The following RANBP2 variants were observed in gnomAD, a reference collection of about 807,000 sequenced individuals.
RANBP2 encodes the protein E3 SUMO-protein ligase RanBP2.
A neutral mutation model predicts 303.6 loss-of-function variants in RANBP2; 57 were observed. The observed-to-expected ratio is 0.19, with a 90% CI of 0.15 to 0.23. RANBP2 has a LOEUF of 0.23. Ranked by LOEUF, RANBP2 falls within the 10% of genes least tolerant of loss-of-function variation. The probability of loss-of-function intolerance (pLI) is 1.00; values close to 1 mark genes in which losing one functional copy is unlikely to be tolerated. For missense variants in RANBP2, 3,138 were observed against 3,780.8 expected, an observed-to-expected ratio of 0.83 and a Z score of 4.46; for synonymous variants, 1,167 against 1,301.5, an observed-to-expected ratio of 0.90 and a Z score of 2.23.
the RANBP2 span, among the ~76,000 whole-genome samples, chr2:109,489,659 G>A: frequency 6.6e-6 from 1 of 151,424 alleles, no homozygotes; most frequent in Non-Finnish European, 1.5e-5. Context: ...CCTGCCCTGG[G>A]GGCCTCGGGG....
the RANBP2 span, among the ~76,000 whole-genome samples, chr2:109,708,428 T>C: frequency 1.3e-5 from 2 of 150,814 alleles, no homozygotes; most frequent in South Asian, 4.2e-4. Flanking sequence ...AAGGCAGAGG[T>C]GGGCGAATCT....
chr2:109,493,252 A>G, the RANBP2 span, among the ~76,000 whole-genome samples: 6 of 151,520 alleles, frequency 4.0e-5, no homozygotes, highest in Non-Finnish European at 7.4e-5. Flanking sequence ...CGCACCACAC[A>G]CACTGCAAAC....
At chr2:108,940,355 C>T in the RANBP2 span, 1,167 of 152,458 alleles carry the variant, frequency 7.7e-3, 15 homozygotes, top group African/African-American at 0.026. Context: ...GGAGGGAGGA[C>T]GTATGGGGGC....
chr2:109,437,265 A>G, the RANBP2 span: 2 of 1,414,672 alleles, frequency 1.4e-6, no homozygotes, highest in South Asian at 3.0e-5. Flanking sequence ...TGGCAGCTTC[A>G]TGGCAGCTGG....
At chr2:109,524,250 CAG>C in the RANBP2 span, among the ~76,000 whole-genome samples, 1 of 152,090 alleles carries the variant, frequency 6.6e-6, no homozygotes, top group Non-Finnish European at 1.5e-5. Context: ...ACCTGGGGCT[CAG>C]AGGGCAGTTC....
chr2:109,017,099 C>T, the RANBP2 span, among the ~76,000 whole-genome samples: 1 of 152,208 alleles, frequency 6.6e-6, no homozygotes, highest in East Asian at 1.9e-4. Flanking sequence ...GTTTTTCTAT[C>T]TTGACTTATT....
chr2:109,466,317 G>A, the RANBP2 span, among the ~76,000 whole-genome samples: 524 of 152,126 alleles, frequency 3.4e-3, 18 homozygotes, highest in East Asian at 0.061. Context: ...TCCTGACCTC[G>A]TGACCTGCCC....
chr2:109,316,337 G>A, the RANBP2 span, among the ~76,000 whole-genome samples: 4 of 152,170 alleles, frequency 2.6e-5, no homozygotes, highest in African/African-American at 4.8e-5. Context: ...GTTGCCAGGT[G>A]ATGGTGGCTG....
intron 8 of RANBP2, among the ~76,000 whole-genome samples, chr2:108,747,523 G>A (rs1696607100): frequency 6.6e-6 from 1 of 152,188 alleles, no homozygotes; most frequent in African/African-American, 2.4e-5. Context: ...TTATTCCATA[G>A]CTCACTTTTT....
chr2:109,298,834 C>T, the RANBP2 span, among the ~76,000 whole-genome samples: 1 of 152,222 alleles, frequency 6.6e-6, no homozygotes. Flanking sequence ...CCTGTTTCTG[C>T]CCTTGCCCTA....
chr2:109,075,191 G>A, the RANBP2 span, among the ~76,000 whole-genome samples: 2 of 150,090 alleles, frequency 1.3e-5, no homozygotes, highest in Admixed American at 1.3e-4. Context: ...GAATAGAAAA[G>A]CAATAGAAAA....
chr2:108,809,480 GT>G, the RANBP2 span, among the ~76,000 whole-genome samples: 2 of 150,338 alleles, frequency 1.3e-5, no homozygotes, highest in African/African-American at 5.0e-5. Flanking sequence ...GTGTGTGTGT[GT>G]GTGTGTGATC....
chr2:108,983,663 G>T, the RANBP2 span, among the ~76,000 whole-genome samples: 19 of 152,148 alleles, frequency 1.2e-4, no homozygotes, highest in Non-Finnish European at 2.4e-4. Context: ...TAATCGACCT[G>T]CATCTTCCAG....
At chr2:109,686,011 G>A in the RANBP2 span, among the ~76,000 whole-genome samples, 1 of 152,158 alleles carries the variant, frequency 6.6e-6, no homozygotes, top group Non-Finnish European at 1.5e-5. Context: ...ATTTTTAGAG[G>A]GGCTTGTAGT....
chr2:108,845,203 G>T, the RANBP2 span, among the ~76,000 whole-genome samples: 1 of 151,868 alleles, frequency 6.6e-6, no homozygotes, highest in Non-Finnish European at 1.5e-5. Context: ...TTACACAAAG[G>T]TTTAAAAACA....
At chr2:109,572,362 T>C in the RANBP2 span, among the ~76,000 whole-genome samples, 2 of 152,188 alleles carry the variant, frequency 1.3e-5, no homozygotes, top group South Asian at 4.1e-4. Context: ...CTCGATCTCC[T>C]GACCTTGTGA....
chr2:109,188,388 G>A, the RANBP2 span, among the ~76,000 whole-genome samples: 1 of 152,186 alleles, frequency 6.6e-6, no homozygotes, highest in Non-Finnish European at 1.5e-5. Flanking sequence ...TTGCATGGGA[G>A]GCTGCTGCTC....
At chr2:109,585,432 G>A in the RANBP2 span, 1 of 903,506 alleles carries the variant, frequency 1.1e-6, no homozygotes, top group Non-Finnish European at 1.7e-6. Context: ...AGGCCAGGGT[G>A]CGCATGAAAG....
the RANBP2 span, among the ~76,000 whole-genome samples, chr2:109,417,718 G>A: frequency 2.6e-5 from 4 of 152,182 alleles, no homozygotes; most frequent in Admixed American, 1.3e-4. Context: ...TCTGCCAGGC[G>A]CACTGGGTTT....
Sources: allele counts gnomAD v4.1 joint callset (sites outside exome capture counted in the v4.1 genomes callset), GRCh38; gene constraint gnomAD v4.1.1; transcripts MANE v1.5; gene names NCBI Gene and HGNC (gene_info 2026-07-23, HGNC 2026-07-21).